CACNB2: variants seen among roughly 807,000 people sequenced by gnomAD.
CACNB2 encodes voltage-dependent L-type calcium channel subunit beta-2.
CACNB2 carries 42 observed loss-of-function variants against 73.3 expected under a neutral mutation model. The observed-to-expected ratio is 0.57, with a 90% CI of 0.45 to 0.74. The LOEUF (loss-of-function observed/expected upper bound fraction) is 0.74, where lower values mean the gene tolerates loss of function less well. Ranked by LOEUF, CACNB2 falls within the 30% of genes least tolerant of loss-of-function variation. CACNB2 has a pLI of 0.00. For missense variants in CACNB2, 940 were observed against 853.0 expected, an observed-to-expected ratio of 1.10 and a Z score of -1.27; for synonymous variants, 348 against 310.3, an observed-to-expected ratio of 1.12 and a Z score of -1.28.
chr10:18,277,101 A>G (rs2038328342), intron 2 of CACNB2, among the ~76,000 whole-genome samples: 1 of 152,148 alleles, frequency 6.6e-6, no homozygotes, highest in Non-Finnish European at 1.5e-5. Flanking sequence ...TGAGGGATGG[A>G]GCGAGATCTT....
Position 18,150,879 on chromosome 10 carries a change from T to TTTTTTTTG in CACNB2, c.121-3_121-2insTTTTTTGT, listed in dbSNP as rs769211879. On this transcript the variant is annotated splice_polypyrimidine_tract_variant and splice_region_variant and intron_variant, in intron 1 of 13. Coordinates refer to ENST00000324631, the MANE Select transcript of CACNB2 (RefSeq NM_201596.3). Reference sequence around the variant, plus strand: ...TCTTTTTTTTTTTTTTTTTTTTTTTTTAGTCATATGGAAAAGGAGCCAGAA... The same window carrying TTTTTTTTG: ...TCTTTTTTTTTTTTTTTTTTTTTTTTTTTTTTTGTAGTCATATGGAAAAGGAGCCAGAA... 1.1e-3 allele frequency: 1,371 copies of TTTTTTTTG among 1,258,976 alleles called. 76 individuals are homozygous for TTTTTTTTG. The highest frequency in any genetic ancestry group is 5.4e-3 in the African/African-American group (322 of 59,434). The allele number at this position is 1,258,976 out of a possible 1,614,324, so 78.0% of individuals were successfully genotyped here.
chr10:18,336,408 C>T (rs565179692), intron 2 of CACNB2, among the ~76,000 whole-genome samples: 1 of 152,312 alleles, frequency 6.6e-6, no homozygotes, highest in East Asian at 1.9e-4. Context: ...CACCTGAGGT[C>T]AGGAGTTCAA....
intron 2 of CACNB2, among the ~76,000 whole-genome samples, chr10:18,204,384 G>T (rs1479663871): frequency 1.3e-5 from 2 of 152,194 alleles, no homozygotes. Context: ...AAGTAGAATA[G>T]GTGGACCTAA....
chr10:18,467,415 C>G lies in CACNB2; in HGVS notation c.334-30940C>G, dbSNP rs2132722523. 1.3e-5 allele frequency among the ~76,000 whole-genome samples: 2 copies of G among 152,282 alleles called. 1 individual carries two copies. The highest frequency in any genetic ancestry group is 3.9e-4 in the East Asian group (2 of 5,180). On this transcript the variant is annotated intron_variant, in intron 3 of 13. Coordinates refer to ENST00000324631, the MANE Select transcript of CACNB2 (RefSeq NM_201596.3). Reference sequence around the variant, plus strand: ...GAGGTCCACAAATATTTATTGGTGTCTGGTGTATGCCAGCAACTGGGAAAA... The same window carrying G: ...GAGGTCCACAAATATTTATTGGTGTGTGGTGTATGCCAGCAACTGGGAAAA...
intron 2 of CACNB2, chr10:18,261,023 T>G: frequency 2.2e-6 from 3 of 1,382,356 alleles, no homozygotes; most frequent in Non-Finnish European, 2.8e-6. Context: ...GAAACCCCCT[T>G]GAAGAAGATC....
chr10:18,466,254 TAG>T (rs1323996219), intron 3 of CACNB2, among the ~76,000 whole-genome samples: 1 of 152,146 alleles, frequency 6.6e-6, no homozygotes, highest in Non-Finnish European at 1.5e-5. Flanking sequence ...TTTTATTTTT[TAG>T]AGACAGTGTC....
At chr10:18,404,070 T>C (rs980750643) in intron 3 of CACNB2, among the ~76,000 whole-genome samples, 6 of 152,178 alleles carry the variant, frequency 3.9e-5, no homozygotes, top group African/African-American at 1.4e-4. Context: ...TGCATGCCTG[T>C]ATCAAACCAT....
intron 3 of CACNB2, among the ~76,000 whole-genome samples, chr10:18,485,559 T>A (rs1340947339): frequency 1.2e-5 from 1 of 84,622 alleles, no homozygotes; most frequent in South Asian, 4.4e-4. Context: ...TCTCTCTCTC[T>A]TTTTTTTTTT....
chr10:18,240,130 G>T (rs555256186), intron 2 of CACNB2, among the ~76,000 whole-genome samples: 4 of 152,136 alleles, frequency 2.6e-5, no homozygotes, highest in Non-Finnish European at 5.9e-5. Context: ...AATGGTTCAC[G>T]CTTTGAACTA....
chr10:18,418,416 T>C (rs754093854), intron 3 of CACNB2, among the ~76,000 whole-genome samples: 1 of 152,256 alleles, frequency 6.6e-6, no homozygotes, highest in African/African-American at 2.4e-5. Context: ...TTTCAATTGA[T>C]ATTTGCAGGA....
intron 2 of CACNB2, among the ~76,000 whole-genome samples, chr10:18,245,705 C>T (rs1278871590): frequency 1.3e-5 from 2 of 151,980 alleles, no homozygotes; most frequent in African/African-American, 2.4e-5. Flanking sequence ...CACGTGATTA[C>T]CTCTGCTCCA....
chr10:18,261,297 C>T (rs1331595546), intron 2 of CACNB2: 4 of 1,551,510 alleles, frequency 2.6e-6, no homozygotes, highest in Admixed American at 3.9e-5. Context: ...GGTGCATCGC[C>T]GGCGAGTACG....
chr10:18,486,634 A>G (rs1321355487), intron 3 of CACNB2, among the ~76,000 whole-genome samples: 2 of 152,172 alleles, frequency 1.3e-5, no homozygotes, highest in African/African-American at 4.8e-5. Flanking sequence ...GTTCTTGCGT[A>G]TACCCATCTG....
chr10:18,253,820 A>G (rs772367509), intron 2 of CACNB2, among the ~76,000 whole-genome samples: 11 of 152,206 alleles, frequency 7.2e-5, no homozygotes, highest in Non-Finnish European at 1.6e-4. Flanking sequence ...GGAGCATGAA[A>G]TCTGAAGTTT....
At chr10:18,522,797 G>A (rs1308623006) in intron 9 of CACNB2, among the ~76,000 whole-genome samples, 1 of 144,738 alleles carries the variant, frequency 6.9e-6, no homozygotes, top group Non-Finnish European at 1.5e-5. Flanking sequence ...AGAATTGCTT[G>A]AACCCGGGAG....
intron 3 of CACNB2, among the ~76,000 whole-genome samples, chr10:18,473,560 G>T (rs912710236): frequency 6.6e-6 from 1 of 152,138 alleles, no homozygotes; most frequent in Non-Finnish European, 1.5e-5. Flanking sequence ...CGCATGCAGA[G>T]CATTTTCCTA....
At chr10:18,422,787 C>T (rs545545342) in intron 3 of CACNB2, among the ~76,000 whole-genome samples, 1 of 152,134 alleles carries the variant, frequency 6.6e-6, no homozygotes, top group Non-Finnish European at 1.5e-5. Context: ...CAACCTCCAC[C>T]TCCCACGTTC....
intron 2 of CACNB2, among the ~76,000 whole-genome samples, chr10:18,237,536 A>C (rs1157252796): frequency 6.6e-6 from 1 of 152,216 alleles, no homozygotes; most frequent in African/African-American, 2.4e-5. Flanking sequence ...TGGCCTTGCC[A>C]ACACCTTGAT....
rs768449353 is a variant in CACNB2, at chr10:18,539,592, C to T, written c.1851C>T (p.Asp617=). The T allele has an allele frequency of 1.2e-6, 2 of 1,613,708 alleles. No individual in the cohort carries two copies. ...CCCGGGACGTGGATCGAGAGCAGGA[C>T]CACAACGAGTGCAACAAGCAGCGCA... The part of the protein sequence containing the change: ...HRSRDVDREQ[D]HNECNKQRSR... The change falls in exon 14 of 14, where the codon GAC becomes GAT. Residue 617 remains aspartate, a synonymous_variant. Coordinates refer to ENST00000324631, the MANE Select transcript of CACNB2 (RefSeq NM_201596.3).
Sources: allele counts gnomAD v4.1 joint callset (sites outside exome capture counted in the v4.1 genomes callset), GRCh38; gene constraint gnomAD v4.1.1; transcripts MANE v1.5; gene names NCBI Gene and HGNC (gene_info 2026-07-23, HGNC 2026-07-21).